The following PIBF1 variants were observed in gnomAD, a reference collection of about 807,000 sequenced individuals.
PIBF1 encodes the protein progesterone-induced-blocking factor 1.
PIBF1 carries 90 observed loss-of-function variants against 112.5 expected under a neutral mutation model. The ratio of observed to expected loss-of-function variants is 0.80; its 90% CI spans 0.67 to 0.95. The LOEUF is 0.95. PIBF1 is among the 40% of genes least tolerant of loss of function. The pLI is 0.00. For missense variants in PIBF1, 915 were observed against 852.3 expected (o/e 1.07, Z -0.92); for synonymous variants, 301 against 288.6 (o/e 1.04, Z -0.44).
chr13:72,824,154 C>A (rs2036691009), intron 6 of PIBF1, among the ~76,000 whole-genome samples: 2 of 151,138 alleles, frequency 1.3e-5, no homozygotes, highest in South Asian at 4.2e-4. Context: ...GCTGGGACTA[C>A]AGGTGTGCGC....
At chr13:72,825,600 T>G (rs1311635576) in intron 6 of PIBF1, among the ~76,000 whole-genome samples, 1 of 152,200 alleles carries the variant, frequency 6.6e-6, no homozygotes, top group Non-Finnish European at 1.5e-5. Flanking sequence ...GATTTGCATA[T>G]TCAGGTTGTG....
chr13:72,792,429 C>G lies in PIBF1; in HGVS notation c.253-18C>G. ...CTTTATGACAAATCATATAATTTAT[C>G]TTTTTCTCTTTACGAAGATTGAAGA... On this transcript the variant is annotated intron_variant, in intron 2 of 17. Coordinates refer to ENST00000326291, the MANE Select transcript of PIBF1 (RefSeq NM_006346.4). 1.4e-6 allele frequency: 2 copies of G among 1,382,918 alleles called. No individual in the cohort carries two copies. The highest frequency in any genetic ancestry group is 2.0e-6 in the Non-Finnish European group (2 of 1,003,718). 85.7% of individuals were successfully genotyped at this position (1,382,918 alleles called of 1,614,324 possible).
intron 16 of PIBF1, among the ~76,000 whole-genome samples, chr13:72,989,312 C>A (rs921558642): frequency 6.6e-6 from 1 of 151,994 alleles, no homozygotes; most frequent in Non-Finnish European, 1.5e-5. Flanking sequence ...TTCATAGTAA[C>A]CAAAAAGTGG....
intron 10 of PIBF1, among the ~76,000 whole-genome samples, chr13:72,857,611 G>T (rs2138344738): frequency 6.6e-6 from 1 of 152,216 alleles, no homozygotes; most frequent in East Asian, 1.9e-4. Context: ...GGCCGAGTTG[G>T]TTGGATCACC....
At chr13:72,912,744 T>C (rs2040934336) in intron 12 of PIBF1, among the ~76,000 whole-genome samples, 1 of 152,140 alleles carries the variant, frequency 6.6e-6, no homozygotes, top group Non-Finnish European at 1.5e-5. Context: ...ATCAAACCAT[T>C]ATACATTCAT....
At chr13:72,823,744 T>C (rs954705261) in intron 6 of PIBF1, among the ~76,000 whole-genome samples, 1 of 152,198 alleles carries the variant, frequency 6.6e-6, no homozygotes, top group Non-Finnish European at 1.5e-5. Context: ...TAGATCTGAA[T>C]GTATCACTTT....
At chr13:72,874,440 T>G (rs1179729834) in intron 10 of PIBF1, among the ~76,000 whole-genome samples, 1 of 152,202 alleles carries the variant, frequency 6.6e-6, no homozygotes, top group Non-Finnish European at 1.5e-5. Flanking sequence ...GAAAATATTT[T>G]TATTATAAAA....
At chr13:72,872,164 A>G (rs901004399) in intron 10 of PIBF1, among the ~76,000 whole-genome samples, 2 of 152,220 alleles carry the variant, frequency 1.3e-5, no homozygotes, top group Non-Finnish European at 2.9e-5. Context: ...TGAGGATTAA[A>G]TGAGTGTTAG....
intron 11 of PIBF1, among the ~76,000 whole-genome samples, chr13:72,906,175 G>C (rs919190160): frequency 6.6e-6 from 1 of 151,872 alleles, no homozygotes; most frequent in African/African-American, 2.4e-5. Flanking sequence ...ACTTTTCTGG[G>C]CTTTTACCCA....
At chr13:72,784,848 A>C (rs1451577438) in intron 2 of PIBF1, among the ~76,000 whole-genome samples, 8 of 152,174 alleles carry the variant, frequency 5.3e-5, no homozygotes, top group African/African-American at 1.9e-4. Flanking sequence ...CAATTTAAAA[A>C]ATCTAACATA....
At chr13:72,875,697 A>T (rs2039367093) in intron 10 of PIBF1, among the ~76,000 whole-genome samples, 1 of 152,178 alleles carries the variant, frequency 6.6e-6, no homozygotes, top group African/African-American at 2.4e-5. Context: ...CATATGATGC[A>T]GAGCATCTTT....
intron 14 of PIBF1, among the ~76,000 whole-genome samples, chr13:72,962,226 G>A (rs1193406675): frequency 6.6e-6 from 1 of 151,968 alleles, no homozygotes; most frequent in East Asian, 1.9e-4. Flanking sequence ...ATGTGAAAAG[G>A]CACAAAATAA....
intron 5 of PIBF1, among the ~76,000 whole-genome samples, chr13:72,809,291 C>G (rs112194511): frequency 0.022 from 3,323 of 151,658 alleles, 134 homozygotes; most frequent in African/African-American, 0.076. Context: ...CACATAGTAT[C>G]TTTTTCTAGT....
intron 10 of PIBF1, among the ~76,000 whole-genome samples, chr13:72,865,217 T>G (rs1198316096): frequency 6.6e-6 from 1 of 152,196 alleles, no homozygotes; most frequent in Non-Finnish European, 1.5e-5. Flanking sequence ...TATTAAACTT[T>G]TACTATGCCT....
chr13:72,954,308 G>A (rs1034546999), intron 14 of PIBF1, among the ~76,000 whole-genome samples: 1 of 152,202 alleles, frequency 6.6e-6, no homozygotes, highest in African/African-American at 2.4e-5. Context: ...AGGCTTTCAG[G>A]CCATGCCCCT....
rs1399549707 is a variant in PIBF1, at chr13:72,838,528, A to G, written c.1223+3160A>G. On this transcript the variant is annotated intron_variant, in intron 9 of 17. Coordinates refer to ENST00000326291, the MANE Select transcript of PIBF1 (RefSeq NM_006346.4). Reference sequence around the variant, plus strand: ...GAGACTCCAGGGGTCCCTCATGGTCAGAACAAATTTATAGACAAAAAAAGT... The same window carrying G: ...GAGACTCCAGGGGTCCCTCATGGTCGGAACAAATTTATAGACAAAAAAAGT... Among the ~76,000 whole-genome samples, 3 of 152,350 alleles carry G rather than the reference A, an allele frequency of 2.0e-5. No individual in the cohort carries two copies. In the East Asian group the frequency reaches 5.8e-4, roughly 29 times the overall value.
intron 2 of PIBF1, among the ~76,000 whole-genome samples, chr13:72,786,691 T>A (rs2034613782): frequency 6.6e-6 from 1 of 152,226 alleles, no homozygotes; most frequent in African/African-American, 2.4e-5. Flanking sequence ...GTCTTTGACA[T>A]ATATAAATGT....
At chr13:72,899,853 AC>A (rs1566423659) in intron 11 of PIBF1, among the ~76,000 whole-genome samples, 1 of 151,990 alleles carries the variant, frequency 6.6e-6, no homozygotes, top group Non-Finnish European at 1.5e-5. Context: ...TACCTTGAAA[AC>A]CCTAAGTACT....
At chr13:72,851,384 C>T (rs76917254) in intron 9 of PIBF1, among the ~76,000 whole-genome samples, 16,768 of 152,308 alleles carry the variant, frequency 0.11, 1,265 homozygotes, top group Non-Finnish European at 0.17. Flanking sequence ...GAGGCCAAGC[C>T]TGGGCACTGT....
Sources: allele counts gnomAD v4.1 joint callset (sites outside exome capture counted in the v4.1 genomes callset), GRCh38; gene constraint gnomAD v4.1.1; transcripts MANE v1.5; gene names NCBI Gene and HGNC (gene_info 2026-07-23, HGNC 2026-07-21).